ATP8B4: variants seen among roughly 807,000 people sequenced by gnomAD.
The protein encoded by ATP8B4 is probable phospholipid-transporting ATPase IM.
In ATP8B4, 133 loss-of-function variants were observed where a neutral mutation model predicts 145.6. The observed-to-expected ratio is 0.91, with a 90% confidence interval of 0.79 to 1.05. The LOEUF (loss-of-function observed/expected upper bound fraction) is 1.05, where lower values mean the gene tolerates loss of function less well. Among genes scored for constraint, ATP8B4 ranks in the 50% least tolerant of loss-of-function variants. The pLI, the probability that ATP8B4 is intolerant of heterozygous loss-of-function variation, is 0.00. For missense variants in ATP8B4, 1,458 were observed against 1,425.2 expected, an observed-to-expected ratio of 1.02 and a Z score of -0.37; for synonymous variants, 507 against 492.9, an observed-to-expected ratio of 1.03 and a Z score of -0.38.
chr15:50,023,779 C>CAAAAAAAAAAAAAA (rs60030651), intron 6 of ATP8B4, among the ~76,000 whole-genome samples: 8 of 75,060 alleles, frequency 1.1e-4, no homozygotes, highest in Admixed American at 1.5e-4. Context: ...AGACCAAAGG[C>CAAAAAAAAAAAAAA]AAAAAAAAAA....
intron 21 of ATP8B4, among the ~76,000 whole-genome samples, chr15:49,898,483 TAAACA>T (rs1328842548): frequency 6.6e-6 from 1 of 152,092 alleles, no homozygotes; most frequent in Non-Finnish European, 1.5e-5. Flanking sequence ...AAAATAAAAA[TAAACA>T]AAACTGCCAT....
rs1383771111 is a variant in ATP8B4 at position 49,972,721 on chromosome 15, T to C, written c.1104A>G (p.Lys368=). ...TCGTTCGAGCCACTGCAGGTATTGC[T>C]TTTCGAGAATAATACATCTTCCGGT... ...NWDRKMYYSR[K]AIPAVARTTT... is the part of the protein sequence containing the mutation. The change falls in exon 13 of 28, where the codon AAA becomes AAG. Residue 368 remains lysine, a synonymous_variant. Transcript: ENST00000284509. 16 of 1,614,052 alleles carry C rather than the reference T, an allele frequency of 9.9e-6. No individual in the cohort carries two copies. The highest frequency in any genetic ancestry group is 1.2e-5 in the Non-Finnish European group (14 of 1,179,998).
In ATP8B4 at chr15:49,878,692, T is replaced by A. The variant is rs189889154; in HGVS notation, c.2781+684A>T. Among the ~76,000 whole-genome samples the A allele has an allele frequency of 3.3e-3, 506 of 152,260 alleles. 8 individuals are homozygous for A. The highest frequency in any genetic ancestry group is 9.7e-4 in the Non-Finnish European group (66 of 68,020). On this transcript the variant is annotated intron_variant, in intron 24 of 27. Coordinates refer to ENST00000284509, the MANE Select transcript of ATP8B4 (RefSeq NM_024837.4). ...AAGGATCTACCATTTTTGTGATTGATCCTCTCCTTTCTCCCCACTCAAGCA... is the reference window on the plus strand; with the variant it reads ...AAGGATCTACCATTTTTGTGATTGAACCTCTCCTTTCTCCCCACTCAAGCA...
intron 9 of ATP8B4, 133 bp from the exon 10 acceptor site, chr15:49,987,682 G>C: frequency 4.3e-6 from 4 of 921,250 alleles, no homozygotes; most frequent in Non-Finnish European, 4.6e-6. Context: ...AATTGTGCTA[G>C]AAAAAAATAA....
At chr15:49,963,872 G>A (rs1231724228) in intron 13 of ATP8B4, among the ~76,000 whole-genome samples, 1 of 151,684 alleles carries the variant, frequency 6.6e-6, no homozygotes, top group Non-Finnish European at 1.5e-5. Flanking sequence ...TAACAAACCT[G>A]TACATCCTGA....
At chr15:49,955,443 T>C (rs1226830430) in intron 14 of ATP8B4, among the ~76,000 whole-genome samples, 4 of 152,166 alleles carry the variant, frequency 2.6e-5, no homozygotes, top group Admixed American at 6.5e-5. Context: ...AAATGTAAAA[T>C]GGTGTAGTCA....
chr15:49,860,123 C>G lies in ATP8B4; in HGVS notation c.*71G>C. On this transcript the variant is annotated 3_prime_UTR_variant, in exon 28 of 28. Transcript: ENST00000284509. ...CCCACCTCTTGCCTCAAATCTCAAA[C>G]TCTGGAGCCAGCAGAATTTCAGCTC... 6.6e-7 allele frequency: 1 copy of G among 1,519,098 alleles called. No homozygotes were observed. The highest frequency in any genetic ancestry group is 8.9e-7 in the Non-Finnish European group (1 of 1,129,886). 94.1% of individuals were successfully genotyped at this position (1,519,098 alleles called of 1,614,324 possible).
intron 1 of ATP8B4, among the ~76,000 whole-genome samples, chr15:50,127,565 T>A (rs1180892465): frequency 6.6e-6 from 1 of 152,204 alleles, no homozygotes; most frequent in Non-Finnish European, 1.5e-5. Context: ...AGGCAAGAAT[T>A]GAGTCATGGA....
intron 26 of ATP8B4, among the ~76,000 whole-genome samples, chr15:49,864,130 G>A (rs984289079): frequency 6.6e-6 from 1 of 152,124 alleles, no homozygotes. Flanking sequence ...CTACATAGTT[G>A]GAATCTTTTG....
chr15:49,950,590 T>TAA (rs766902500), intron 14 of ATP8B4, among the ~76,000 whole-genome samples: 75 of 46,196 alleles, frequency 1.6e-3, no homozygotes, highest in East Asian at 6.4e-3. Context: ...ATGTATTAAC[T>TAA]AAAAAAAAAA....
chr15:49,858,361 A>G lies in ATP8B4; in HGVS notation c.*1833T>C, dbSNP rs1366225690. On this transcript the variant is annotated 3_prime_UTR_variant, in exon 28 of 28. Transcript: ENST00000284509. ...TGAAAACCAACATCTGGTTAAGTGT[A>G]GGCAGGCATGTAAGGGAAAGACAAC... 6.6e-6 allele frequency: 1 copy of G among 152,246 alleles called. No individual in the cohort carries two copies. The highest frequency in any genetic ancestry group is 1.5e-5 in the Non-Finnish European group (1 of 68,040). The allele number at this position is 152,246 out of a possible 1,614,324, so 9.4% of individuals were successfully genotyped here.
chr15:49,953,406 C>A (rs1238659727), intron 14 of ATP8B4, among the ~76,000 whole-genome samples: 1 of 152,168 alleles, frequency 6.6e-6, no homozygotes, highest in Non-Finnish European at 1.5e-5. Flanking sequence ...AAGTCTCTGG[C>A]TGGAGTTACT....
intron 2 of ATP8B4, among the ~76,000 whole-genome samples, chr15:50,078,372 C>T (rs902031214): frequency 1.3e-5 from 2 of 151,738 alleles, no homozygotes; most frequent in African/African-American, 4.8e-5. Context: ...GAAGACATGG[C>T]ATCCATGAAA....
chr15:49,869,741 TC>T (rs2033389545), intron 25 of ATP8B4, among the ~76,000 whole-genome samples: 1 of 152,162 alleles, frequency 6.6e-6, no homozygotes, highest in Non-Finnish European at 1.5e-5. Context: ...TGGCAACCCG[TC>T]CCCAGGGTGA....
At chr15:49,903,167 A>G (rs2038229098) in intron 20 of ATP8B4, among the ~76,000 whole-genome samples, 1 of 152,160 alleles carries the variant, frequency 6.6e-6, no homozygotes, top group Admixed American at 6.5e-5. Context: ...ACCTTTGCCC[A>G]CGCTCTGTAG....
chr15:50,047,485 T>C, intron 3 of ATP8B4, 21 bp from the exon 4 acceptor site: 1 of 1,432,830 alleles, frequency 7.0e-7, no homozygotes, highest in Middle Eastern at 1.7e-4. Flanking sequence ...AATAGCATCA[T>C]GTTAGTTTGG....
chr15:50,043,534 A>C (rs2051472175), intron 5 of ATP8B4, among the ~76,000 whole-genome samples: 1 of 152,192 alleles, frequency 6.6e-6, no homozygotes, highest in African/African-American at 2.4e-5. Context: ...AGCCTACTAA[A>C]CATGAAGATG....
chr15:49,998,544 A>G (rs556711301), intron 8 of ATP8B4, among the ~76,000 whole-genome samples: 1 of 152,286 alleles, frequency 6.6e-6, no homozygotes, highest in African/African-American at 2.4e-5. Flanking sequence ...TCTTCTTTTG[A>G]GAAGTGTCTG....
rs896512369 is a variant in ATP8B4, at chr15:50,109,190, T to C, written c.-42-2182A>G. On this transcript the variant is annotated intron_variant, in intron 1 of 27. Coordinates refer to ENST00000284509, the MANE Select transcript of ATP8B4 (RefSeq NM_024837.4). Reference sequence around the variant, plus strand: ...CAATAGGAAGAGTGCTGCAGGCAAATTGAAGAGCAGAAGAAAGAAGAGAAA... The same window carrying C: ...CAATAGGAAGAGTGCTGCAGGCAAACTGAAGAGCAGAAGAAAGAAGAGAAA... Among the ~76,000 whole-genome samples, 7 of 151,960 alleles carry C rather than the reference T, an allele frequency of 4.6e-5. No individual in the cohort carries two copies. The South Asian group carries it at 1.2e-3, about 27-fold the overall frequency.
Sources: gnomAD v4.1 joint callset for allele counts (sites outside exome capture counted in the v4.1 genomes callset) on GRCh38, gnomAD v4.1.1 for gene constraint, MANE v1.5 for transcripts, NCBI Gene and HGNC (gene_info 2026-07-23, HGNC 2026-07-21) for gene names.